GALNT18: variants seen among roughly 807,000 people sequenced by gnomAD.
GALNT18 encodes GalNAc-transferase 18.
In GALNT18, 44 loss-of-function variants were observed where a neutral mutation model predicts 69.5. The observed-to-expected ratio is 0.63, with a 90% confidence interval of 0.50 to 0.81. The LOEUF (loss-of-function observed/expected upper bound fraction) is 0.81, where lower values mean the gene tolerates loss of function less well. GALNT18 is among the 40% of genes least tolerant of loss of function. The pLI, the probability that GALNT18 is intolerant of heterozygous loss-of-function variation, is 0.00. For missense variants in GALNT18, 715 were observed against 810.0 expected, an observed-to-expected ratio of 0.88 and a Z score of 1.42; for synonymous variants, 364 against 318.2, an observed-to-expected ratio of 1.14 and a Z score of -1.53.
chr11:11,398,982 G>A (rs933562326), intron 3 of GALNT18, among the ~76,000 whole-genome samples: 1 of 152,180 alleles, frequency 6.6e-6, no homozygotes, highest in African/African-American at 2.4e-5. Context: ...CTGAAAGGAA[G>A]GTGGAGCCAA....
At chr11:11,350,692 C>T (rs765112530) in intron 6 of GALNT18, among the ~76,000 whole-genome samples, 18 of 152,160 alleles carry the variant, frequency 1.2e-4, no homozygotes, top group Non-Finnish European at 2.5e-4. Context: ...TGCCACTTCC[C>T]GGGGAAGGCA....
chr11:11,424,147 C>T (rs536933814), intron 3 of GALNT18, among the ~76,000 whole-genome samples: 2 of 152,316 alleles, frequency 1.3e-5, no homozygotes, highest in African/African-American at 4.8e-5. Flanking sequence ...ATGCAGGACC[C>T]CAGCCATCAC....
intron 1 of GALNT18, among the ~76,000 whole-genome samples, chr11:11,493,686 C>T (rs1199639509): frequency 1.3e-5 from 2 of 152,146 alleles, no homozygotes; most frequent in South Asian, 2.1e-4. Context: ...CACCACTGAG[C>T]CTCCCAGTTG....
At chr11:11,322,428 T>C (rs1849854699) in intron 9 of GALNT18, among the ~76,000 whole-genome samples, 1 of 152,182 alleles carries the variant, frequency 6.6e-6, no homozygotes, top group Non-Finnish European at 1.5e-5. Context: ...CCAGATAAGA[T>C]CACAGGTGTC....
rs537619458 is a variant in GALNT18, at chr11:11,282,889, G to C, written c.1677+10140C>G. Among the ~76,000 whole-genome samples, 25 of 152,176 alleles carry C rather than the reference G, an allele frequency of 1.6e-4. 1 individual carries two copies. In the South Asian group the frequency reaches 5.2e-3, roughly 32 times the overall value. ...CAGAAAAATAAATTCCAAAGCATGC[G>C]AGAAGGTGATAAGGTTGTATACAAA... On this transcript the variant is annotated intron_variant, in intron 10 of 10. Transcript: ENST00000227756.
At chr11:11,392,372 C>T (rs1457820692) in intron 3 of GALNT18, among the ~76,000 whole-genome samples, 6 of 152,198 alleles carry the variant, frequency 3.9e-5, no homozygotes, top group African/African-American at 1.4e-4. Flanking sequence ...GTAATCCCAG[C>T]ACTCTGGGAG....
At position 11,494,548 on chromosome 11, in the gene GALNT18, C is replaced by T. The variant is rs1856833623; in HGVS notation, c.236-45612G>A. On this transcript the variant is annotated intron_variant, in intron 1 of 10. Transcript: ENST00000227756. The surrounding 1 kb of genome is among the most constrained non-coding windows in gnomAD (Gnocchi z 5.7). ...ACATGACTCAGCCATATGAAAGACC[C>T]CTTGTGGGTGAGCTGAAGGCAGAGT... Among the ~76,000 whole-genome samples the T allele has an allele frequency of 6.6e-6, 1 of 152,222 alleles. No individual in the cohort carries two copies. Among genetic ancestry groups the T allele is most frequent in the African/African-American group, 2.4e-5 (1 of 41,454 alleles).
chr11:11,346,223 A>G (rs1206619208), intron 6 of GALNT18, among the ~76,000 whole-genome samples: 2 of 152,224 alleles, frequency 1.3e-5, no homozygotes, highest in Non-Finnish European at 2.9e-5. Context: ...TCACTGGACT[A>G]TAAGTGCCAT....
chr11:11,353,195 G>A (rs1240100291), intron 6 of GALNT18: 3 of 1,582,178 alleles, frequency 1.9e-6, no homozygotes, highest in Non-Finnish European at 2.6e-6. Flanking sequence ...AGCAGCTTGG[G>A]GGTAAGACCT....
In GALNT18 at chr11:11,538,006, A is replaced by T. The variant is rs1333284506; in HGVS notation, c.235+83353T>A. 6.6e-6 allele frequency among the ~76,000 whole-genome samples: 1 copy of T among 152,182 alleles called. No homozygotes were observed. The highest frequency in any genetic ancestry group is 1.5e-5 in the Non-Finnish European group (1 of 68,020). The stretch of plus-strand genomic sequence containing the variant: ...ATAATATAATAACAACAATAATGAT[A>T]ACTACCAATTACCGAGCACTTACTA... On this transcript the variant is annotated intron_variant, in intron 1 of 10. Coordinates refer to ENST00000227756, the MANE Select transcript of GALNT18 (RefSeq NM_198516.3). This position sits in a 1 kb window ranked among gnomAD's most constrained non-coding sequence, Gnocchi z 5.2.
intron 3 of GALNT18, among the ~76,000 whole-genome samples, chr11:11,390,497 G>A (rs1854161260): frequency 6.6e-6 from 1 of 152,166 alleles, no homozygotes; most frequent in Non-Finnish European, 1.5e-5. Context: ...GCATCCTCTG[G>A]GGGAAGAGTT....
At chr11:11,408,412 T>G (rs1431003012) in intron 3 of GALNT18, among the ~76,000 whole-genome samples, 3 of 145,510 alleles carry the variant, frequency 2.1e-5, no homozygotes, top group African/African-American at 7.7e-5. Flanking sequence ...CCATGTGGCC[T>G]AGGGGAATGT....
intron 9 of GALNT18, among the ~76,000 whole-genome samples, chr11:11,302,302 G>A (rs1339507313): frequency 6.6e-6 from 1 of 152,184 alleles, no homozygotes; most frequent in Non-Finnish European, 1.5e-5. Flanking sequence ...ACAAGACAAA[G>A]AATGGGTGCC....
In GALNT18 at chr11:11,621,597, G is replaced by A; in HGVS notation, c.-4C>T. The A allele has an allele frequency of 6.3e-7, 1 of 1,581,378 alleles. No individual in the cohort carries two copies. The highest frequency in any genetic ancestry group is 8.6e-7 in the Non-Finnish European group (1 of 1,162,624). The stretch of plus-strand genomic sequence containing the variant: ...TGGTCTTCCTGGTGCACACCATTCT[G>A]GGCTCCTTCCTCCATATAGAGCTCC... On this transcript the variant is annotated 5_prime_UTR_variant, in exon 1 of 11. An upstream open reading frame in the 5' UTR gains an earlier in-frame stop. Transcript: ENST00000227756. This position sits in a 1 kb window ranked among gnomAD's most constrained non-coding sequence, Gnocchi z 9.3.
intron 9 of GALNT18, among the ~76,000 whole-genome samples, chr11:11,316,455 G>A (rs1564892586): frequency 6.6e-6 from 1 of 152,172 alleles, no homozygotes; most frequent in Non-Finnish European, 1.5e-5. Flanking sequence ...GGACACTGGG[G>A]CCAATACCAC....
rs1855727002 is a variant in GALNT18, at chr11:11,448,894, G to A, written c.278C>T (p.Thr93Ile). 3.7e-6 allele frequency: 6 copies of A among 1,604,434 alleles called. No homozygotes were observed. The highest frequency in any genetic ancestry group is 2.6e-6 in the Non-Finnish European group (3 of 1,175,612). The change falls in exon 2 of 11, where the codon ACA (threonine) becomes ATA (isoleucine). Residue 93 changes from threonine (T) to isoleucine (I), a missense_variant. Coordinates refer to ENST00000227756, the MANE Select transcript of GALNT18 (RefSeq NM_198516.3). ...KPEEAEAEPFTDSSLFAHWGQ... is the reference protein window; with the variant it reads ...KPEEAEAEPFIDSSLFAHWGQ... ...CCAGTGTGCAAACAGAGAGGAGTCT[G>A]TGAAGGGCTCGGCCTCTGCCTCCTC...
At position 11,277,297 on chromosome 11, in the gene GALNT18, G is replaced by A. The variant is rs1388193098; in HGVS notation, c.1678-6007C>T. ...CTTCTAGATTTTCTAGTTTTTTTGT[G>A]TAGAGGTGTTTACAGTATTCTGATG... On this transcript the variant is annotated intron_variant, in intron 10 of 10. Coordinates refer to ENST00000227756, the MANE Select transcript of GALNT18 (RefSeq NM_198516.3). 7.2e-5 allele frequency among the ~76,000 whole-genome samples: 11 copies of A among 152,286 alleles called. 1 individual carries two copies. Among genetic ancestry groups the A allele is most frequent in the African/African-American group, 2.4e-4 (10 of 41,566 alleles).
chr11:11,278,215 G>T lies in GALNT18; in HGVS notation c.1678-6925C>A, dbSNP rs558328650. On this transcript the variant is annotated intron_variant, in intron 10 of 10. Transcript: ENST00000227756. The stretch of plus-strand genomic sequence containing the variant: ...AGACTCCAACACCATAATGGTGGGA[G>T]ACTTTAACACCCCACCTTTAATGTT... Among the ~76,000 whole-genome samples, 14 of 151,950 alleles carry T rather than the reference G, an allele frequency of 9.2e-5. 1 individual carries two copies. In the South Asian group the frequency reaches 2.9e-3, roughly 32 times the overall value.
intron 6 of GALNT18, among the ~76,000 whole-genome samples, chr11:11,342,352 G>A (rs1850223075): frequency 6.6e-6 from 1 of 152,176 alleles, no homozygotes; most frequent in African/African-American, 2.4e-5. Context: ...ATCTCCTGGT[G>A]GACAGTAGAT....
Sources: gnomAD v4.1 joint callset for allele counts (sites outside exome capture counted in the v4.1 genomes callset) on GRCh38, gnomAD v4.1.1 for gene constraint, Gnocchi (gnomAD v3.1) non-coding constraint, MANE v1.5 for transcripts, NCBI Gene and HGNC (gene_info 2026-07-23, HGNC 2026-07-21) for gene names.